KCNB2: variants seen among roughly 807,000 people sequenced by gnomAD.
KCNB2 encodes delayed rectifier potassium channel protein.
A neutral mutation model predicts 61.5 loss-of-function variants in KCNB2; 15 were observed. That is an observed-to-expected ratio of 0.24 (90% CI 0.16 to 0.38). The LOEUF is 0.38. Ranked by LOEUF, KCNB2 falls within the 10% of genes least tolerant of loss-of-function variation. KCNB2 has a pLI of 1.00. For synonymous variants in KCNB2, 457 were observed against 446.0 expected (o/e 1.02, Z -0.31); for missense variants, 828 against 1,125.2 (o/e 0.74, Z 3.78).
chr8:72,678,003 A>G lies in KCNB2; in HGVS notation c.579+109690A>G, dbSNP rs567558868. 1.2e-4 allele frequency among the ~76,000 whole-genome samples: 18 copies of G among 152,312 alleles called. No individual in the cohort carries two copies. In the South Asian group the frequency reaches 3.7e-3, roughly 32 times the overall value. Reference sequence around the variant, plus strand: ...CTGTTACTAGACATCTATGTGTGTCAAGCAACTCAAATTAAAGCTGCCTCC... The same window carrying G: ...CTGTTACTAGACATCTATGTGTGTCGAGCAACTCAAATTAAAGCTGCCTCC... On this transcript the variant is annotated intron_variant, in intron 2 of 2. Transcript: ENST00000523207.
intron 2 of KCNB2, among the ~76,000 whole-genome samples, chr8:72,825,557 G>T (rs1809584003): frequency 6.6e-6 from 1 of 152,118 alleles, no homozygotes; most frequent in African/African-American, 2.4e-5. Flanking sequence ...CCTGATGCTT[G>T]TTATTTTCTG....
intron 2 of KCNB2, among the ~76,000 whole-genome samples, chr8:72,585,312 T>A (rs1806986542): frequency 6.6e-6 from 1 of 152,230 alleles, no homozygotes; most frequent in South Asian, 2.1e-4. Flanking sequence ...TATAAGTTGA[T>A]ACAATTTTCT....
chr8:72,645,248 T>C (rs943123798), intron 2 of KCNB2, among the ~76,000 whole-genome samples: 6 of 151,878 alleles, frequency 4.0e-5, no homozygotes, highest in African/African-American at 1.4e-4. Flanking sequence ...CCCCAGGAGA[T>C]GGCATTTTAT....
intron 1 of KCNB2, among the ~76,000 whole-genome samples, chr8:72,547,077 C>T (rs577293929): frequency 1.3e-5 from 2 of 152,290 alleles, no homozygotes; most frequent in Non-Finnish European, 2.9e-5. Flanking sequence ...GCTAAATTTA[C>T]TCTGCCTATG....
intron 1 of KCNB2, among the ~76,000 whole-genome samples, chr8:72,550,608 C>A (rs1404610572): frequency 1.3e-5 from 2 of 152,148 alleles, no homozygotes; most frequent in Non-Finnish European, 2.9e-5. Flanking sequence ...CATTATTTCC[C>A]AGAGATAAAT....
chr8:72,584,217 T>A (rs56072111), intron 2 of KCNB2, among the ~76,000 whole-genome samples: 3 of 152,066 alleles, frequency 2.0e-5, no homozygotes, highest in Non-Finnish European at 4.4e-5. Context: ...GAGGATTTTT[T>A]AAAAAAGTCA....
intron 2 of KCNB2, among the ~76,000 whole-genome samples, chr8:72,866,936 G>T (rs7846235): frequency 0.02 from 3,066 of 152,172 alleles, 108 homozygotes; most frequent in African/African-American, 0.07. Context: ...CCTTTTCTGT[G>T]CTCTCACAGC....
chr8:72,912,774 G>A (rs900553370), intron 2 of KCNB2, among the ~76,000 whole-genome samples: 56 of 152,080 alleles, frequency 3.7e-4, no homozygotes, highest in Admixed American at 3.3e-3. Context: ...ATAGCCTGGA[G>A]CCAGAGGCTG....
intron 2 of KCNB2, among the ~76,000 whole-genome samples, chr8:72,580,825 A>G (rs1054740347): frequency 2.6e-5 from 4 of 152,064 alleles, no homozygotes; most frequent in Admixed American, 6.5e-5. Context: ...GGGCATTTTC[A>G]TTTCATTCCT....
At chr8:72,934,528 T>C (rs1377698846) in intron 2 of KCNB2, among the ~76,000 whole-genome samples, 1 of 152,092 alleles carries the variant, frequency 6.6e-6, no homozygotes, top group Non-Finnish European at 1.5e-5. Context: ...TAAGAAGTCC[T>C]GATGTAAACT....
intron 2 of KCNB2, among the ~76,000 whole-genome samples, chr8:72,575,889 A>C (rs1048255467): frequency 6.6e-6 from 1 of 152,220 alleles, no homozygotes; most frequent in African/African-American, 2.4e-5. Context: ...AAGAGTTTGA[A>C]ATTCATAAAC....
chr8:72,538,560 A>G (rs1806147842), intron 1 of KCNB2, among the ~76,000 whole-genome samples: 2 of 152,206 alleles, frequency 1.3e-5, no homozygotes, highest in Admixed American at 6.5e-5. Flanking sequence ...AGTGTGCAAT[A>G]TGCACAAACA....
chr8:72,782,306 A>G (rs1253816952), intron 2 of KCNB2, among the ~76,000 whole-genome samples: 1 of 152,090 alleles, frequency 6.6e-6, no homozygotes, highest in Admixed American at 6.6e-5. Context: ...ATTGTAGGGT[A>G]AACGCACCTG....
At chr8:72,736,439 A>G (rs75202777) in intron 2 of KCNB2, among the ~76,000 whole-genome samples, 2,113 of 152,220 alleles carry the variant, frequency 0.014, 47 homozygotes, top group African/African-American at 0.047. Context: ...CAAGATAATC[A>G]GTTTCCAAGG....
chr8:72,565,149 A>ATG (rs899363061), intron 1 of KCNB2, among the ~76,000 whole-genome samples: 1 of 151,790 alleles, frequency 6.6e-6, no homozygotes, highest in Non-Finnish European at 1.5e-5. Context: ...GTGTATATAT[A>ATG]TATATATGCT....
intron 2 of KCNB2, among the ~76,000 whole-genome samples, chr8:72,821,659 A>AAAAACAAC (rs1554535735): frequency 2.6e-5 from 3 of 117,002 alleles, no homozygotes; most frequent in African/African-American, 3.2e-5. Context: ...AAAAAAAAAA[A>AAAAACAAC]ACACACACAC....
chr8:72,561,753 A>ATATG (rs1806530104), intron 1 of KCNB2, among the ~76,000 whole-genome samples: 1 of 24,336 alleles, frequency 4.1e-5, no homozygotes, highest in Non-Finnish European at 6.1e-5. Context: ...ATATGTATAT[A>ATATG]TATATATGGA....
At chr8:72,801,551 A>G (rs909688190) in intron 2 of KCNB2, among the ~76,000 whole-genome samples, 5 of 152,184 alleles carry the variant, frequency 3.3e-5, no homozygotes, top group African/African-American at 1.2e-4. Flanking sequence ...TTCAAAATAC[A>G]TTTATTGAGT....
At chr8:72,680,264 A>G (rs915027006) in intron 2 of KCNB2, among the ~76,000 whole-genome samples, 1 of 152,194 alleles carries the variant, frequency 6.6e-6, no homozygotes, top group Non-Finnish European at 1.5e-5. Context: ...GAAATGAAGC[A>G]GATGGGTTAG....
Sources: allele counts gnomAD v4.1 joint callset (sites outside exome capture counted in the v4.1 genomes callset), GRCh38; gene constraint gnomAD v4.1.1; transcripts MANE v1.5; gene names NCBI Gene and HGNC (gene_info 2026-07-23, HGNC 2026-07-21).